Variants in PKNOX1 observed in about 807,000 individuals in gnomAD.
PKNOX1 encodes PBX/knotted 1 homeobox 1.
PKNOX1 carries 15 observed loss-of-function variants against 51.9 expected under a neutral mutation model. The ratio of observed to expected loss-of-function variants is 0.29; its 90% CI spans 0.19 to 0.45. PKNOX1 has a LOEUF of 0.45. Among genes scored for constraint, PKNOX1 ranks in the 20% least tolerant of loss-of-function variants. The pLI, the probability that PKNOX1 is intolerant of heterozygous loss-of-function variation, is 1.00. For missense variants in PKNOX1, 462 were observed against 547.5 expected (o/e 0.84, Z 1.56); for synonymous variants, 219 against 211.1 (o/e 1.04, Z -0.32).
At chr21:42,975,329 G>C (rs2058989305) in intron 1 of PKNOX1, among the ~76,000 whole-genome samples, 2 of 151,114 alleles carry the variant, frequency 1.3e-5, no homozygotes, top group Admixed American at 1.3e-4. Context: ...GCCCTCAGCC[G>C]GGCGCCGGCG....
At chr21:43,026,534 A>G (rs1302812765) in intron 9 of PKNOX1, among the ~76,000 whole-genome samples, 1 of 152,136 alleles carries the variant, frequency 6.6e-6, no homozygotes, top group Non-Finnish European at 1.5e-5. Context: ...CGAGGTGGGC[A>G]GATCACGAGG....
intron 1 of PKNOX1, among the ~76,000 whole-genome samples, chr21:43,003,340 C>A (rs1020179142): frequency 2.6e-5 from 4 of 152,222 alleles, no homozygotes; most frequent in African/African-American, 9.6e-5. Flanking sequence ...GTTCCTGCTC[C>A]ATCCTTCAGT....
chr21:43,001,762 C>T (rs529144189), intron 1 of PKNOX1, among the ~76,000 whole-genome samples: 49 of 152,128 alleles, frequency 3.2e-4, no homozygotes, highest in East Asian at 1.9e-3. Flanking sequence ...AGATCGAGAC[C>T]GTCCTGGCTA....
chr21:43,004,753 A>T (rs1055762509), intron 2 of PKNOX1, among the ~76,000 whole-genome samples: 1 of 152,134 alleles, frequency 6.6e-6, no homozygotes, highest in African/African-American at 2.4e-5. Context: ...ACAGATTCCC[A>T]TGTTGACTGG....
At chr21:43,025,945 A>T (rs1979968623) in intron 9 of PKNOX1, among the ~76,000 whole-genome samples, 1 of 152,138 alleles carries the variant, frequency 6.6e-6, no homozygotes, top group South Asian at 2.1e-4. Context: ...AGACTATACT[A>T]TTTGCGTTAT....
chr21:42,974,774 G>T (rs1273646389), intron 1 of PKNOX1, 110 bp downstream of exon 1: 1 of 156,446 alleles, frequency 6.4e-6, no homozygotes, highest in Admixed American at 6.6e-5. Context: ...CTGCCGCCCG[G>T]GTCTGGAGGG....
chr21:42,999,445 C>G (rs1978648774), intron 1 of PKNOX1, among the ~76,000 whole-genome samples: 1 of 152,120 alleles, frequency 6.6e-6, no homozygotes, highest in Non-Finnish European at 1.5e-5. Context: ...ATTTATGCAG[C>G]CAGCTTGAAT....
At chr21:42,990,038 C>T (rs2146238329) in intron 1 of PKNOX1, among the ~76,000 whole-genome samples, 1 of 151,802 alleles carries the variant, frequency 6.6e-6, no homozygotes, top group African/African-American at 2.4e-5. Flanking sequence ...GTCGAGGCTG[C>T]AGTGAGCCAG....
intron 8 of PKNOX1, among the ~76,000 whole-genome samples, chr21:43,024,274 C>G (rs1344518279): frequency 6.6e-6 from 1 of 152,170 alleles, no homozygotes; most frequent in East Asian, 1.9e-4. Context: ...CCTACTCCAC[C>G]TGTTTCACCA....
chr21:43,030,876 G>A lies in PKNOX1; in HGVS notation c.*775G>A, dbSNP rs1429333944. On this transcript the variant is annotated 3_prime_UTR_variant, in exon 11 of 11. Transcript: ENST00000291547. ...CGTTCCATGGTTCTTTGCTCTCCCC[G>A]GGTAGTGATGAACATTTACTACTAT... 2.6e-5 allele frequency: 4 copies of A among 152,208 alleles called. No individual in the cohort carries two copies. The highest frequency in any genetic ancestry group is 6.5e-5 in the Admixed American group (1 of 15,284). The allele number at this position is 152,208 out of a possible 1,614,324, so 9.4% of individuals were successfully genotyped here.
In PKNOX1 at chr21:43,018,197, G is replaced by T; in HGVS notation, c.687G>T (p.Leu229Phe). The change falls in exon 7 of 11, where the codon TTG becomes TTT. Residue 229 changes from leucine to phenylalanine, a missense_variant. Physicochemically the swap from Leu to Phe is conservative, Grantham distance 22. This residue lies in a region of PKNOX1 where 126 missense variants were observed against 128.1 expected (regional missense o/e 0.98). Coordinates refer to ENST00000291547, the MANE Select transcript of PKNOX1 (RefSeq NM_004571.5). ...AAGGCCAAGTGGTCACACAGACATT[G>T]TCGCCTGGGACAATTAGGATCCAGA... ...TPQGQVVTQT[L>F]SPGTIRIQNS... The T allele has an allele frequency of 6.2e-7, 1 of 1,613,780 alleles. No individual in the cohort carries two copies. Among genetic ancestry groups the T allele is most frequent in the Non-Finnish European group, 8.5e-7 (1 of 1,179,834 alleles).
intron 1 of PKNOX1, among the ~76,000 whole-genome samples, chr21:42,986,191 C>T (rs902252947): frequency 2.0e-5 from 3 of 152,044 alleles, no homozygotes; most frequent in Non-Finnish European, 2.9e-5. Context: ...AATGATACCT[C>T]GCCAAACCTT....
intron 10 of PKNOX1, 58 bp from the exon 11 acceptor site, chr21:43,029,832 T>C (rs1403622648): frequency 7.0e-7 from 1 of 1,422,324 alleles, no homozygotes; most frequent in Non-Finnish European, 9.9e-7. Flanking sequence ...AATTGAGTAA[T>C]AAAGTGTTTT....
intron 6 of PKNOX1, 156 bp downstream of exon 6, chr21:43,017,163 A>G: frequency 2.2e-6 from 1 of 458,530 alleles, no homozygotes. Context: ...CTTTCTTGTT[A>G]ATACTCAATA....
chr21:43,028,217 T>C (rs71320592), intron 9 of PKNOX1, among the ~76,000 whole-genome samples: 5,342 of 152,342 alleles, frequency 0.035, 134 homozygotes, highest in Middle Eastern at 0.061. Context: ...AGTCCCATTC[T>C]CTGATGGCTC....
chr21:43,032,430 A>G lies in PKNOX1; in HGVS notation c.*2329A>G, dbSNP rs913849579. 1.3e-5 allele frequency: 4 copies of G among 304,002 alleles called. No homozygotes were observed. In the Admixed American group the frequency reaches 1.6e-4, roughly 12 times the overall value. 18.8% of individuals were successfully genotyped at this position (304,002 alleles called of 1,614,324 possible). A position where few individuals can be genotyped will look rare whatever the true frequency, so the allele number is the denominator to read the frequency against. On this transcript the variant is annotated 3_prime_UTR_variant, in exon 11 of 11. Transcript: ENST00000291547. ...CCGTTTCTTTCCCCCACTAGAAATC[A>G]CATTCACTAAGCAGTGGATTGAATT...
chr21:43,006,395 G>A (rs1452097528), intron 2 of PKNOX1, among the ~76,000 whole-genome samples: 1 of 152,138 alleles, frequency 6.6e-6, no homozygotes, highest in Non-Finnish European at 1.5e-5. Flanking sequence ...CAAAGTGCTG[G>A]GATCACAGGC....
At chr21:42,975,549 G>T (rs910042040) in intron 1 of PKNOX1, among the ~76,000 whole-genome samples, 1 of 152,236 alleles carries the variant, frequency 6.6e-6, no homozygotes, top group African/African-American at 2.4e-5. Flanking sequence ...GAAAAATGAA[G>T]AAACGCGGAG....
At chr21:43,026,033 T>C (rs1979971006) in intron 9 of PKNOX1, among the ~76,000 whole-genome samples, 1 of 152,220 alleles carries the variant, frequency 6.6e-6, no homozygotes, top group Non-Finnish European at 1.5e-5. Context: ...GTGGTTGTTA[T>C]ATTCTGCTCA....
Sources: gnomAD v4.1 joint callset for allele counts (sites outside exome capture counted in the v4.1 genomes callset) on GRCh38, gnomAD v4.1.1 for gene constraint, gnomAD v4.1.1 regional missense constraint, MANE v1.5 for transcripts, NCBI Gene and HGNC (gene_info 2026-07-23, HGNC 2026-07-21) for gene names.